OPRM1: variants seen among roughly 807,000 people sequenced by gnomAD.
The protein encoded by OPRM1 is mu-type opioid receptor.
In OPRM1, 27 loss-of-function variants were observed where a neutral mutation model predicts 31.8. That is an observed-to-expected ratio of 0.85 (90% CI 0.63 to 1.17). The LOEUF (loss-of-function observed/expected upper bound fraction) is 1.17, where lower values mean the gene tolerates loss of function less well. Among genes scored for constraint, OPRM1 ranks in the 50% most tolerant of loss-of-function variants. The pLI is 0.00. For synonymous variants in OPRM1, 196 were observed against 189.9 expected (o/e 1.03, Z -0.26); for missense variants, 536 against 511.1 (o/e 1.05, Z -0.47).
chr6:154,155,820 G>C (rs1237598592), intron 3 of OPRM1: 1 of 152,112 alleles, frequency 6.6e-6, no homozygotes, highest in African/African-American at 2.4e-5. Flanking sequence ...AAGAGATAAT[G>C]TACCTATGAA....
chr6:154,040,210 T>C (rs1426888962), intron 1 of OPRM1, among the ~76,000 whole-genome samples: 1 of 151,552 alleles, frequency 6.6e-6, no homozygotes, highest in Non-Finnish European at 1.5e-5. Context: ...ATGGAAAGAG[T>C]AAGTTGTGAA....
intron 3 of OPRM1, among the ~76,000 whole-genome samples, chr6:154,205,781 C>T (rs1410924653): frequency 6.6e-6 from 1 of 152,108 alleles, no homozygotes; most frequent in Non-Finnish European, 1.5e-5. Context: ...TTGTTTACCC[C>T]AGGCTGCCAC....
intron 3 of OPRM1, among the ~76,000 whole-genome samples, chr6:154,238,043 A>G (rs2128633172): frequency 6.6e-6 from 1 of 152,338 alleles, no homozygotes; most frequent in South Asian, 2.1e-4. Flanking sequence ...ACTATCATAT[A>G]TGCATATATA....
At chr6:154,176,396 G>A (rs1322247808) in intron 3 of OPRM1, among the ~76,000 whole-genome samples, 1 of 152,114 alleles carries the variant, frequency 6.6e-6, no homozygotes, top group Non-Finnish European at 1.5e-5. Flanking sequence ...TTTGTTTGTG[G>A]ATCACATGAT....
At chr6:154,221,511 A>G (rs1778855061) in intron 3 of OPRM1, among the ~76,000 whole-genome samples, 1 of 152,244 alleles carries the variant, frequency 6.6e-6, no homozygotes, top group South Asian at 2.1e-4. Context: ...GAGAACTAAG[A>G]GTCAATTTTT....
intron 3 of OPRM1, among the ~76,000 whole-genome samples, chr6:154,190,624 T>C (rs975785060): frequency 6.6e-6 from 1 of 152,188 alleles, no homozygotes; most frequent in Non-Finnish European, 1.5e-5. Context: ...TTAAACATAC[T>C]CTTACCATAC....
chr6:154,164,958 C>G (rs1799311235), intron 3 of OPRM1, among the ~76,000 whole-genome samples: 1 of 152,170 alleles, frequency 6.6e-6, no homozygotes, highest in Admixed American at 6.5e-5. Flanking sequence ...GAAGTGCATT[C>G]ATTCCAGTAC....
rs1225319195 is a variant in OPRM1, at chr6:154,128,061, G to A, written c.*9340G>A. Reference sequence around the variant, plus strand: ...AAGCTACCGCATCTGTATAAATTAGGTTCAAATAACAGAGTATTTCCAGGA... The same window carrying A: ...AAGCTACCGCATCTGTATAAATTAGATTCAAATAACAGAGTATTTCCAGGA... On this transcript the variant is annotated 3_prime_UTR_variant, in exon 4 of 4. Coordinates refer to ENST00000330432, the MANE Select transcript of OPRM1 (RefSeq NM_000914.5). 6.6e-6 allele frequency among the ~76,000 whole-genome samples: 1 copy of A among 152,070 alleles called. No individual in the cohort carries two copies. Among genetic ancestry groups the A allele is most frequent in the Non-Finnish European group, 1.5e-5 (1 of 68,004 alleles).
At chr6:154,166,010 G>T (rs1242503842) in intron 3 of OPRM1, among the ~76,000 whole-genome samples, 1 of 152,220 alleles carries the variant, frequency 6.6e-6, no homozygotes, top group Non-Finnish European at 1.5e-5. Flanking sequence ...CTCCATGGAG[G>T]AATGAATGCA....
chr6:154,099,896 T>A (rs1327334755), intron 3 of OPRM1, among the ~76,000 whole-genome samples: 4 of 145,186 alleles, frequency 2.8e-5, no homozygotes, highest in Admixed American at 7.0e-5. Context: ...ATATTATATA[T>A]TATATTATGA....
chr6:154,241,189 T>G (rs944762442), intron 3 of OPRM1, among the ~76,000 whole-genome samples: 32 of 138,736 alleles, frequency 2.3e-4, no homozygotes, highest in African/African-American at 6.4e-4. Flanking sequence ...TGAGCCGAGA[T>G]CGCGCCACTG....
At chr6:154,152,347 G>GAAAGAAAAGAAA in intron 3 of OPRM1, among the ~76,000 whole-genome samples, 6 of 65,130 alleles carry the variant, frequency 9.2e-5, no homozygotes, top group African/African-American at 1.1e-4. Context: ...AAGAAAGAAA[G>GAAAGAAAAGAAA]GAAAGAAAGA....
chr6:154,069,537 C>T (rs373341318), intron 1 of OPRM1, among the ~76,000 whole-genome samples: 26 of 152,176 alleles, frequency 1.7e-4, no homozygotes, highest in African/African-American at 5.8e-4. Flanking sequence ...GCGCCGAGCC[C>T]TGGCCTGTGC....
At chr6:154,065,910 A>G (rs1443913926) in intron 1 of OPRM1, among the ~76,000 whole-genome samples, 1 of 152,168 alleles carries the variant, frequency 6.6e-6, no homozygotes, top group Admixed American at 6.5e-5. Flanking sequence ...TGGAATTTTC[A>G]TATACAGCTT....
intron 3 of OPRM1, among the ~76,000 whole-genome samples, chr6:154,111,093 A>G (rs1269998918): frequency 1.3e-5 from 2 of 152,130 alleles, no homozygotes; most frequent in East Asian, 3.9e-4. Context: ...TCAAGTCTGG[A>G]TCTTTTGAAC....
chr6:154,043,842 C>A (rs751919715), intron 1 of OPRM1, among the ~76,000 whole-genome samples: 2 of 152,064 alleles, frequency 1.3e-5, no homozygotes, highest in African/African-American at 2.4e-5. Flanking sequence ...ACAATTTGAA[C>A]TTTAAGTGCT....
chr6:154,109,733 A>C (rs1332872594), intron 3 of OPRM1, among the ~76,000 whole-genome samples: 1 of 151,602 alleles, frequency 6.6e-6, no homozygotes, highest in Non-Finnish European at 1.5e-5. Context: ...ATGTATAAGC[A>C]TTTAAAAGGC....
intron 3 of OPRM1, among the ~76,000 whole-genome samples, chr6:154,243,099 CT>C (rs1218725309): frequency 1.3e-5 from 2 of 152,110 alleles, no homozygotes; most frequent in Non-Finnish European, 2.9e-5. Flanking sequence ...TATGCGAAGG[CT>C]TAGAGAGAGC....
At chr6:154,085,621 C>T (rs1376270434) in intron 1 of OPRM1, among the ~76,000 whole-genome samples, 1 of 152,136 alleles carries the variant, frequency 6.6e-6, no homozygotes, top group Non-Finnish European at 1.5e-5. Flanking sequence ...CCCATTTTGC[C>T]ACAGAACACA....
Sources: allele counts gnomAD v4.1 joint callset (sites outside exome capture counted in the v4.1 genomes callset), GRCh38; gene constraint gnomAD v4.1.1; transcripts MANE v1.5; gene names NCBI Gene and HGNC (gene_info 2026-07-23, HGNC 2026-07-21).